The following ZC3H6 variants were observed in gnomAD, a reference collection of about 807,000 sequenced individuals.
ZC3H6 encodes zinc finger CCCH-type containing 6, also known as zinc finger CCCH domain-containing protein 6.
In ZC3H6, 40 loss-of-function variants were observed where a neutral mutation model predicts 107.7. That is an observed-to-expected ratio of 0.37 (90% CI 0.29 to 0.48). The LOEUF is 0.48. Ranked by LOEUF, ZC3H6 falls within the 20% of genes least tolerant of loss-of-function variation. The pLI is 0.98. For synonymous variants in ZC3H6, 493 were observed against 487.9 expected, an observed-to-expected ratio of 1.01 and a Z score of -0.14; for missense variants, 1,267 against 1,410.4, an observed-to-expected ratio of 0.90 and a Z score of 1.63.
intron 1 of ZC3H6, among the ~76,000 whole-genome samples, chr2:112,287,685 T>C (rs1056331080): frequency 6.6e-6 from 1 of 152,156 alleles, no homozygotes; most frequent in Non-Finnish European, 1.5e-5. Flanking sequence ...CACTGCAAGC[T>C]CCACCTCCCG....
chr2:112,304,333 A>C (rs1415299873), intron 3 of ZC3H6, among the ~76,000 whole-genome samples: 1 of 152,208 alleles, frequency 6.6e-6, no homozygotes. Flanking sequence ...AAAATTTTAT[A>C]GACTGGGTGG....
At chr2:112,278,970 A>T (rs1444632475) in intron 1 of ZC3H6, among the ~76,000 whole-genome samples, 3 of 152,258 alleles carry the variant, frequency 2.0e-5, no homozygotes, top group African/African-American at 7.2e-5. Flanking sequence ...TTGCCAAATG[A>T]ATAATTTAAA....
rs1402667028 is a variant in ZC3H6 at position 112,334,436 on chromosome 2, C to T, written c.*1948C>T. ...AAAAAAGATAATTTGGCTTGCTAAA[C>T]ATCAAAATAGAATCCAAACTCTTAA... On this transcript the variant is annotated 3_prime_UTR_variant, in exon 12 of 12. Coordinates refer to ENST00000409871, the MANE Select transcript of ZC3H6 (RefSeq NM_198581.3). 6.6e-6 allele frequency: 1 copy of T among 152,064 alleles called. No homozygotes were observed. Among genetic ancestry groups the T allele is most frequent in the Non-Finnish European group, 1.5e-5 (1 of 67,944 alleles). 9.4% of individuals were successfully genotyped at this position (152,064 alleles called of 1,614,324 possible). A position where few individuals can be genotyped will look rare whatever the true frequency, so the allele number is the denominator to read the frequency against.
chr2:112,278,673 A>G (rs1474574697), intron 1 of ZC3H6, among the ~76,000 whole-genome samples: 1 of 152,128 alleles, frequency 6.6e-6, no homozygotes, highest in Admixed American at 6.5e-5. Flanking sequence ...TGTATGCAGG[A>G]AAAAAAATGA....
chr2:112,335,103 T>C lies in ZC3H6; in HGVS notation c.*2615T>C, dbSNP rs1184556326. The C allele has an allele frequency of 6.6e-6, 1 of 152,188 alleles. No homozygotes were observed. Among genetic ancestry groups the C allele is most frequent in the Non-Finnish European group, 1.5e-5 (1 of 68,024 alleles). 9.4% of individuals were successfully genotyped at this position (152,188 alleles called of 1,614,324 possible). On this transcript the variant is annotated 3_prime_UTR_variant, in exon 12 of 12. Coordinates refer to ENST00000409871, the MANE Select transcript of ZC3H6 (RefSeq NM_198581.3). Reference sequence around the variant, plus strand: ...ACACAGAAGATCATGACAATTGAGATTCAGCAACTGCTGTCTCATATCTTG... The same window carrying C: ...ACACAGAAGATCATGACAATTGAGACTCAGCAACTGCTGTCTCATATCTTG...
rs1399466813 is a variant in ZC3H6 at position 112,295,292 on chromosome 2, TTGAC to T, written c.33-4553_33-4550del. On this transcript the variant is annotated intron_variant, in intron 1 of 11. Transcript: ENST00000409871. ...AATAAAACGTCACATATATAATTAA[TTGAC>T]TGAGGAACTTATCTATTTGATGTAT... 5.3e-5 allele frequency among the ~76,000 whole-genome samples: 8 copies of T among 152,192 alleles called. No homozygotes were observed. The South Asian group carries it at 1.0e-3, about 20-fold the overall frequency.
intron 1 of ZC3H6, among the ~76,000 whole-genome samples, chr2:112,285,037 A>T (rs144965846): frequency 0.089 from 13,487 of 152,244 alleles, 763 homozygotes; most frequent in African/African-American, 0.16. Context: ...AAATTATGAT[A>T]TAAAATTTCT....
At position 112,339,631 on chromosome 2, in the gene ZC3H6, G is replaced by C. The variant is rs1677206122; in HGVS notation, c.*7143G>C. On this transcript the variant is annotated 3_prime_UTR_variant, in exon 12 of 12. Coordinates refer to ENST00000409871, the MANE Select transcript of ZC3H6 (RefSeq NM_198581.3). ...GCGGGAGTTGTCCAGGTTTAAGATT[G>C]TTTGTTTTCCATCAGATCCACAAGC... is the stretch of plus-strand genomic sequence containing the variant. The C allele has an allele frequency of 6.6e-6, 1 of 151,928 alleles. No homozygotes were observed. 9.4% of individuals were successfully genotyped at this position (151,928 alleles called of 1,614,324 possible). A position where few individuals can be genotyped will look rare whatever the true frequency, so the allele number is the denominator to read the frequency against.
intron 11 of ZC3H6, among the ~76,000 whole-genome samples, chr2:112,328,017 GT>G (rs1159391612): frequency 6.6e-6 from 1 of 152,128 alleles, no homozygotes; most frequent in Non-Finnish European, 1.5e-5. Flanking sequence ...AGCCTCCCAA[GT>G]AGGTGGGACT....
At chr2:112,304,650 A>T (rs1389951047) in intron 3 of ZC3H6, among the ~76,000 whole-genome samples, 1 of 152,182 alleles carries the variant, frequency 6.6e-6, no homozygotes, top group African/African-American at 2.4e-5. Flanking sequence ...CCCTATCTCC[A>T]AATATACAGT....
In ZC3H6 at chr2:112,339,875, A is replaced by T. The variant is rs961051177; in HGVS notation, c.*7387A>T. 1 of 152,168 alleles carries T rather than the reference A, an allele frequency of 6.6e-6. No homozygotes were observed. Among genetic ancestry groups the T allele is most frequent in the African/African-American group, 2.4e-5 (1 of 41,438 alleles). The allele number at this position is 152,168 out of a possible 1,614,324, so 9.4% of individuals were successfully genotyped here. ...TCAAAAGACACCAGCAAGGGGGTAT[A>T]CTTTGCTGAACTGATAAATTATTCT... On this transcript the variant is annotated 3_prime_UTR_variant, in exon 12 of 12. Transcript: ENST00000409871.
intron 3 of ZC3H6, among the ~76,000 whole-genome samples, chr2:112,303,782 T>G (rs529900938): frequency 5.8e-4 from 89 of 152,348 alleles, no homozygotes; most frequent in African/African-American, 1.8e-3. Context: ...TGTTTATCCA[T>G]TCATCTGTTG....
At chr2:112,329,568 T>G (rs1446897119) in intron 11 of ZC3H6, among the ~76,000 whole-genome samples, 1 of 152,222 alleles carries the variant, frequency 6.6e-6, no homozygotes, top group East Asian at 1.9e-4. Flanking sequence ...ATATGCTGTT[T>G]TAATCCACAT....
intron 1 of ZC3H6, among the ~76,000 whole-genome samples, chr2:112,289,734 TTTTG>T (rs1238830239): frequency 1.5e-5 from 2 of 136,666 alleles, no homozygotes; most frequent in Admixed American, 7.5e-5. Flanking sequence ...TTTTACCGTT[TTTTG>T]TTTGTTTTGT....
chr2:112,300,453 C>T (rs531198626), intron 2 of ZC3H6, among the ~76,000 whole-genome samples: 1 of 152,290 alleles, frequency 6.6e-6, no homozygotes, highest in Non-Finnish European at 1.5e-5. Context: ...GATGTGCCAA[C>T]CGTGGCCTCC....
intron 6 of ZC3H6, 107 bp downstream of exon 6, chr2:112,316,693 T>G (rs1431340207): frequency 4.7e-6 from 3 of 640,954 alleles, no homozygotes; most frequent in Non-Finnish European, 7.9e-6. Flanking sequence ...ATAGTTGTAA[T>G]AAAACTGGGT....
chr2:112,289,871 G>T (rs1676068734), intron 1 of ZC3H6, among the ~76,000 whole-genome samples: 2 of 152,188 alleles, frequency 1.3e-5, no homozygotes, highest in South Asian at 2.1e-4. Context: ...CTCCAGAGTG[G>T]CTGGAGCCAC....
At chr2:112,298,344 T>G (rs1479020268) in intron 1 of ZC3H6, among the ~76,000 whole-genome samples, 1 of 152,088 alleles carries the variant, frequency 6.6e-6, no homozygotes, top group Non-Finnish European at 1.5e-5. Context: ...TCAACTTCAC[T>G]AGTCATCAAA....
chr2:112,311,634 G>A (rs1383989247), intron 4 of ZC3H6, among the ~76,000 whole-genome samples, 170 bp from the exon 5 acceptor site: 1 of 152,052 alleles, frequency 6.6e-6, no homozygotes, highest in East Asian at 1.9e-4. Context: ...TTAAGAAGCA[G>A]TACCAAGGAG....
Sources: allele counts gnomAD v4.1 joint callset (sites outside exome capture counted in the v4.1 genomes callset), GRCh38; gene constraint gnomAD v4.1.1; transcripts MANE v1.5; gene names NCBI Gene and HGNC (gene_info 2026-07-23, HGNC 2026-07-21).